PTPRG: variants seen among roughly 807,000 people sequenced by gnomAD.
The protein encoded by PTPRG is protein tyrosine phosphatase receptor type G, also known as receptor-type tyrosine-protein phosphatase gamma.
Under a neutral mutation model 165.3 loss-of-function variants are expected in PTPRG, and 102 were observed. The observed-to-expected ratio is 0.62, with a 90% CI of 0.53 to 0.73. The LOEUF (loss-of-function observed/expected upper bound fraction) is 0.73, where lower values mean the gene tolerates loss of function less well. Ranked by LOEUF, PTPRG falls within the 30% of genes least tolerant of loss-of-function variation. PTPRG has a pLI of 0.00. For missense variants in PTPRG, 1,866 were observed against 1,861.4 expected (o/e 1.00, Z -0.05); for synonymous variants, 675 against 669.5 (o/e 1.01, Z -0.13).
intron 1 of PTPRG, among the ~76,000 whole-genome samples, chr3:61,570,320 G>C (rs934720346): frequency 6.6e-6 from 1 of 151,562 alleles, no homozygotes; most frequent in African/African-American, 2.4e-5. Flanking sequence ...AACAAAATGT[G>C]ATTTTAAACT....
At chr3:62,132,311 C>T (rs1377172115) in intron 5 of PTPRG, among the ~76,000 whole-genome samples, 2 of 152,158 alleles carry the variant, frequency 1.3e-5, no homozygotes, top group Non-Finnish European at 2.9e-5. Flanking sequence ...TTTAATAAAA[C>T]AAGGCAAGAA....
At chr3:61,887,558 G>A (rs2038086645) in intron 2 of PTPRG, among the ~76,000 whole-genome samples, 1 of 152,128 alleles carries the variant, frequency 6.6e-6, no homozygotes, top group Non-Finnish European at 1.5e-5. Context: ...ACCAATTCAT[G>A]AAATTCTGGG....
chr3:61,690,419 T>G (rs1400195908), intron 1 of PTPRG, among the ~76,000 whole-genome samples: 1 of 152,204 alleles, frequency 6.6e-6, no homozygotes. Context: ...AGGGACGTAT[T>G]AAATACAACG....
intron 2 of PTPRG, among the ~76,000 whole-genome samples, chr3:61,848,168 T>C (rs2036857852): frequency 6.6e-6 from 1 of 152,210 alleles, no homozygotes; most frequent in African/African-American, 2.4e-5. Flanking sequence ...CTGGAGTGCC[T>C]CATGCTACAG....
intron 10 of PTPRG, among the ~76,000 whole-genome samples, chr3:62,199,868 G>A (rs537599197): frequency 6.6e-6 from 1 of 152,316 alleles, no homozygotes; most frequent in East Asian, 1.9e-4. Flanking sequence ...ATTGACCGAT[G>A]AAGGGATAAA....
At chr3:62,120,731 C>G (rs1321080119) in intron 5 of PTPRG, among the ~76,000 whole-genome samples, 3 of 146,150 alleles carry the variant, frequency 2.1e-5, no homozygotes, top group African/African-American at 7.6e-5. Flanking sequence ...GCCTGGGTGA[C>G]AGCAAGACTC....
At chr3:61,668,891 G>C (rs891176164) in intron 1 of PTPRG, among the ~76,000 whole-genome samples, 7 of 152,152 alleles carry the variant, frequency 4.6e-5, no homozygotes, top group South Asian at 2.1e-4. Context: ...CTGAAATTAT[G>C]ATGAGCCCCA....
At chr3:61,756,425 GA>G (rs2033636264) in intron 2 of PTPRG, among the ~76,000 whole-genome samples, 1 of 152,186 alleles carries the variant, frequency 6.6e-6, no homozygotes, top group Admixed American at 6.5e-5. Context: ...ACACTAATCA[GA>G]ACTTTATGTA....
intron 4 of PTPRG, among the ~76,000 whole-genome samples, chr3:62,010,813 T>C (rs2041404078): frequency 6.6e-6 from 1 of 152,014 alleles, no homozygotes; most frequent in South Asian, 2.1e-4. Flanking sequence ...ACATTTCCAG[T>C]ATAACAGTTT....
At chr3:61,853,772 TG>T (rs2037030186) in intron 2 of PTPRG, among the ~76,000 whole-genome samples, 1 of 152,210 alleles carries the variant, frequency 6.6e-6, no homozygotes, top group Admixed American at 6.5e-5. Context: ...ATATTCCTTT[TG>T]GGGAATTCAC....
At chr3:61,808,791 G>A (rs555177563) in intron 2 of PTPRG, among the ~76,000 whole-genome samples, 3 of 151,916 alleles carry the variant, frequency 2.0e-5, no homozygotes, top group East Asian at 3.9e-4. Context: ...ACCCATCCCC[G>A]TTGTTCAAAT....
intron 2 of PTPRG, among the ~76,000 whole-genome samples, chr3:61,870,472 C>T (rs2037534838): frequency 9.2e-6 from 1 of 109,062 alleles, no homozygotes; most frequent in African/African-American, 4.2e-5. Context: ...ACTACCACAC[C>T]TAGCTTTTTT....
At chr3:62,285,411 C>T (rs1000620816) in intron 28 of PTPRG, among the ~76,000 whole-genome samples, 5 of 149,930 alleles carry the variant, frequency 3.3e-5, no homozygotes, top group African/African-American at 1.2e-4. Context: ...GGCCTGCACG[C>T]ATTTGATCTG....
At chr3:62,074,092 T>C (rs1701295466) in intron 4 of PTPRG, among the ~76,000 whole-genome samples, 2 of 152,130 alleles carry the variant, frequency 1.3e-5, no homozygotes, top group African/African-American at 4.8e-5. Flanking sequence ...AATGTCCTTA[T>C]TCTTAGAAAT....
intron 1 of PTPRG, among the ~76,000 whole-genome samples, chr3:61,714,686 A>G (rs9872929): frequency 0.066 from 9,997 of 152,244 alleles, 605 homozygotes; most frequent in African/African-American, 0.16. Flanking sequence ...GCTAAACCAT[A>G]TACTTGCAGG....
chr3:62,136,532 C>T (rs1407338181), intron 6 of PTPRG, among the ~76,000 whole-genome samples: 1 of 152,136 alleles, frequency 6.6e-6, no homozygotes, highest in Non-Finnish European at 1.5e-5. Flanking sequence ...AAAGCATTTC[C>T]CAGTGCTTTG....
intron 2 of PTPRG, among the ~76,000 whole-genome samples, chr3:61,784,055 TAAAG>T (rs1159392575): frequency 2.0e-5 from 3 of 152,138 alleles, no homozygotes; most frequent in African/African-American, 7.2e-5. Context: ...ACACCAATAT[TAAAG>T]AAGCTGAAAA....
chr3:61,942,028 C>G (rs760677385), intron 2 of PTPRG, among the ~76,000 whole-genome samples: 2 of 151,776 alleles, frequency 1.3e-5, no homozygotes, highest in Admixed American at 6.6e-5. Flanking sequence ...GGCGCGGTGG[C>G]AGGCATCATA....
At chr3:62,041,541 C>T (rs565633331) in intron 4 of PTPRG, among the ~76,000 whole-genome samples, 1 of 152,260 alleles carries the variant, frequency 6.6e-6, no homozygotes, top group East Asian at 1.9e-4. Context: ...CACATACAAC[C>T]TTCCACTCCT....
Sources: gnomAD v4.1 joint callset for allele counts (sites outside exome capture counted in the v4.1 genomes callset) on GRCh38, gnomAD v4.1.1 for gene constraint, MANE v1.5 for transcripts, NCBI Gene and HGNC (gene_info 2026-07-23, HGNC 2026-07-21) for gene names.